The following SLC39A12 variants were observed in gnomAD, a reference collection of about 807,000 sequenced individuals.
The protein encoded by SLC39A12 is zinc transporter ZIP12.
Under a neutral mutation model 71.1 loss-of-function variants are expected in SLC39A12, and 63 were observed. The ratio of observed to expected loss-of-function variants is 0.89; its 90% CI spans 0.72 to 1.09. SLC39A12 has a LOEUF of 1.09. Ranked by LOEUF, SLC39A12 falls within the 50% of genes least tolerant of loss-of-function variation. The pLI is 0.00. For missense variants in SLC39A12, 892 were observed against 812.6 expected (o/e 1.10, Z -1.19); for synonymous variants, 351 against 301.3 (o/e 1.16, Z -1.71).
chr10:17,953,178 C>T lies in SLC39A12; in HGVS notation c.-86-13C>T. ...ACAATAATTGAAGGCTTTATTTTTCCCCTTTACCACAGAAATTCCTTTGGT... is the reference window on the plus strand; with the variant it reads ...ACAATAATTGAAGGCTTTATTTTTCTCCTTTACCACAGAAATTCCTTTGGT... On this transcript the variant is annotated splice_polypyrimidine_tract_variant and intron_variant, in intron 1 of 12. Transcript: ENST00000377369. 7.0e-7 allele frequency: 1 copy of T among 1,430,598 alleles called. No individual in the cohort carries two copies. The highest frequency in any genetic ancestry group is 9.5e-7 in the Non-Finnish European group (1 of 1,055,992). The allele number at this position is 1,430,598 out of a possible 1,614,324, so 88.6% of individuals were successfully genotyped here. A position where few individuals can be genotyped will look rare whatever the true frequency, so the allele number is the denominator to read the frequency against.
At chr10:17,964,550 A>G (rs1261271726) in intron 3 of SLC39A12, among the ~76,000 whole-genome samples, 2 of 152,202 alleles carry the variant, frequency 1.3e-5, no homozygotes, top group Non-Finnish European at 2.9e-5. Flanking sequence ...TCTGAATGGG[A>G]ATATGAATGG....
chr10:18,033,560 G>A (rs1008592465), intron 12 of SLC39A12, among the ~76,000 whole-genome samples: 4 of 140,572 alleles, frequency 2.8e-5, no homozygotes, highest in African/African-American at 1.1e-4. Flanking sequence ...TATTAGTCTT[G>A]CTAGCGGTCT....
chr10:17,961,773 C>G lies in SLC39A12; in HGVS notation c.454C>G (p.Gln152Glu), dbSNP rs782660395. Reference protein sequence around the residue: ...FYLHSLLSLRQDEDSSFLSQN... With the variant: ...FYLHSLLSLREDEDSSFLSQN... ...CCTACACAGCCTACTGAGCCTCAGG[C>G]AGGATGAAGATTCCTCTTTCCTTTC... The change falls in exon 3 of 13, where the codon CAG becomes GAG. Residue 152 changes from glutamine to glutamate, a missense_variant. Coordinates refer to ENST00000377369, the MANE Select transcript of SLC39A12 (RefSeq NM_001145195.2). The G allele has an allele frequency of 1.9e-6, 3 of 1,614,054 alleles. No homozygotes were observed. Among genetic ancestry groups the G allele is most frequent in the Non-Finnish European group, 2.5e-6 (3 of 1,179,948 alleles).
At position 17,953,011 on chromosome 10, in the gene SLC39A12, A is replaced by T. The variant is rs542238909; in HGVS notation, c.-86-180A>T. Among the ~76,000 whole-genome samples the T allele has an allele frequency of 2.0e-5, 3 of 152,302 alleles. No homozygotes were observed. In the East Asian group the frequency reaches 5.8e-4, roughly 29 times the overall value. Reference sequence around the variant, plus strand: ...CTAGCAAGCTTTTTGGCTGCTGTGCAGTTTGAAAGTCTACAGCCATGGTGC... The same window carrying T: ...CTAGCAAGCTTTTTGGCTGCTGTGCTGTTTGAAAGTCTACAGCCATGGTGC... On this transcript the variant is annotated intron_variant, in intron 1 of 12. Transcript: ENST00000377369.
intron 12 of SLC39A12, among the ~76,000 whole-genome samples, chr10:18,034,051 G>A (rs1214190498): frequency 6.7e-6 from 1 of 150,164 alleles, no homozygotes; most frequent in Non-Finnish European, 1.5e-5. Flanking sequence ...TACATTTGCT[G>A]AGGAGAGCTT....
At chr10:17,962,809 C>T (rs533607691) in intron 3 of SLC39A12, among the ~76,000 whole-genome samples, 113 of 152,180 alleles carry the variant, frequency 7.4e-4, no homozygotes, top group African/African-American at 2.6e-3. Context: ...TAGCTCTAAT[C>T]CTGTTAATTT....
chr10:17,996,642 G>A (rs184608909), intron 10 of SLC39A12, among the ~76,000 whole-genome samples: 4 of 152,290 alleles, frequency 2.6e-5, no homozygotes, highest in Non-Finnish European at 4.4e-5. Context: ...AGTTGTTAGC[G>A]AGGTTAAATC....
chr10:17,997,573 GA>G (rs1241647555), intron 10 of SLC39A12, among the ~76,000 whole-genome samples: 1 of 152,148 alleles, frequency 6.6e-6, no homozygotes, highest in African/African-American at 2.4e-5. Context: ...CTAGATTAGG[GA>G]GTAACGATGG....
At chr10:18,033,901 G>A (rs61842379) in intron 12 of SLC39A12, among the ~76,000 whole-genome samples, 87,746 of 151,210 alleles carry the variant, frequency 0.58, 26,459 homozygotes, top group Non-Finnish European at 0.67. Context: ...CCTTCATTTC[G>A]TTATGTACCC....
At chr10:18,022,242 G>C (rs2488119) in intron 12 of SLC39A12, among the ~76,000 whole-genome samples, 90,249 of 151,508 alleles carry the variant, frequency 0.6, 27,655 homozygotes, top group Non-Finnish European at 0.68. Context: ...CTTCCTCTCC[G>C]TGTCTTCCAG....
intron 12 of SLC39A12, among the ~76,000 whole-genome samples, chr10:18,023,042 G>T (rs542166920): frequency 6.6e-6 from 1 of 152,276 alleles, no homozygotes; most frequent in East Asian, 1.9e-4. Flanking sequence ...AGTGCTAAGA[G>T]TGTAGGCTCC....
intron 12 of SLC39A12, among the ~76,000 whole-genome samples, chr10:18,013,549 T>G (rs1836293845): frequency 6.6e-6 from 1 of 151,938 alleles, no homozygotes; most frequent in Non-Finnish European, 1.5e-5. Flanking sequence ...AAAAAATGTT[T>G]TTTGTACATA....
intron 11 of SLC39A12, among the ~76,000 whole-genome samples, chr10:18,001,076 C>A (rs754055619): frequency 7.2e-5 from 11 of 152,062 alleles, no homozygotes; most frequent in Non-Finnish European, 1.5e-4. Context: ...CCAGAGAATT[C>A]CATATGGGAG....
intron 12 of SLC39A12, among the ~76,000 whole-genome samples, chr10:18,012,651 G>A (rs888688631): frequency 3.9e-5 from 6 of 152,064 alleles, no homozygotes; most frequent in African/African-American, 7.2e-5. Flanking sequence ...GGCGGATCAC[G>A]AGGTCAAGAG....
chr10:18,000,900 G>A, intron 11 of SLC39A12, 75 bp downstream of exon 11: 2 of 1,392,420 alleles, frequency 1.4e-6, no homozygotes. Flanking sequence ...TGGTTTACTA[G>A]GATTCTTTTT....
At chr10:17,997,427 C>T (rs2130836197) in intron 10 of SLC39A12, among the ~76,000 whole-genome samples, 1 of 152,246 alleles carries the variant, frequency 6.6e-6, no homozygotes, top group Admixed American at 6.5e-5. Flanking sequence ...TAATATTTTT[C>T]CTTCTAAACT....
intron 6 of SLC39A12, among the ~76,000 whole-genome samples, chr10:17,985,524 A>T (rs893929836): frequency 6.6e-6 from 1 of 151,914 alleles, no homozygotes; most frequent in Non-Finnish European, 1.5e-5. Context: ...AACTTATTGT[A>T]TATCCATAGT....
intron 6 of SLC39A12, among the ~76,000 whole-genome samples, chr10:17,986,509 T>C (rs1175390442): frequency 6.6e-6 from 1 of 152,172 alleles, no homozygotes; most frequent in African/African-American, 2.4e-5. Context: ...CCAGTCCCTT[T>C]AGCCCCTGTA....
At chr10:17,952,476 T>C (rs1340986185) in intron 1 of SLC39A12, among the ~76,000 whole-genome samples, 2 of 138,532 alleles carry the variant, frequency 1.4e-5, no homozygotes, top group Non-Finnish European at 3.0e-5. Context: ...TCTTTTTTTT[T>C]CTTTTTTCTT....
Sources: gnomAD v4.1 joint callset for allele counts (sites outside exome capture counted in the v4.1 genomes callset) on GRCh38, gnomAD v4.1.1 for gene constraint, MANE v1.5 for transcripts, NCBI Gene and HGNC (gene_info 2026-07-23, HGNC 2026-07-21) for gene names.